Variants in KATNAL1 observed in about 807,000 individuals in gnomAD.
KATNAL1 encodes the protein katanin catalytic subunit A1 like 1.
KATNAL1 carries 32 observed loss-of-function variants against 55.2 expected under a neutral mutation model. That is an observed-to-expected ratio of 0.58 (90% CI 0.44 to 0.78). KATNAL1 has a LOEUF of 0.78. Ranked by LOEUF, KATNAL1 falls within the 30% of genes least tolerant of loss-of-function variation. The pLI, the probability that KATNAL1 is intolerant of heterozygous loss-of-function variation, is 0.00. For missense variants in KATNAL1, 466 were observed against 600.9 expected (o/e 0.78, Z 2.35); for synonymous variants, 193 against 193.6 (o/e 1.00, Z 0.02).
chr13:30,296,517 T>C, intron 1 of KATNAL1: 1 of 734,618 alleles, frequency 1.4e-6, no homozygotes, highest in African/African-American at 1.7e-5. Context: ...CATTGCCTAC[T>C]GGGGCCTCTT....
At chr13:30,230,642 A>C in intron 7 of KATNAL1, 48 bp from the exon 8 acceptor site, 1 of 1,395,102 alleles carries the variant, frequency 7.2e-7, no homozygotes, top group Non-Finnish European at 9.7e-7. Context: ...TCATAAAACA[A>C]TTGGAGTATT....
chr13:30,223,037 G>GT (rs1361284403), intron 9 of KATNAL1, among the ~76,000 whole-genome samples: 1 of 152,012 alleles, frequency 6.6e-6, no homozygotes, highest in East Asian at 1.9e-4. Context: ...AGAGGTTGCA[G>GT]TAAGCCCAGA....
chr13:30,278,242 G>A (rs1369625650), intron 3 of KATNAL1, among the ~76,000 whole-genome samples: 11 of 150,826 alleles, frequency 7.3e-5, no homozygotes, highest in Admixed American at 2.0e-4. Context: ...TACAATCTGA[G>A]ATTTGCTTTT....
intron 1 of KATNAL1, among the ~76,000 whole-genome samples, chr13:30,303,722 C>T (rs1172051882): frequency 6.6e-6 from 1 of 152,182 alleles, no homozygotes; most frequent in Non-Finnish European, 1.5e-5. Context: ...CTCATATTAT[C>T]TAGTGGAACT....
In KATNAL1 at chr13:30,231,462, A is replaced by G; in HGVS notation, c.737T>C (p.Met246Thr). The part of the protein sequence containing the change: ...GIRRPWKGVL[M>T]VGPPGTGKTM... ...TTTACCAGTGCCTGGGGGTCCAACC[A>G]TCAGTACACCCTGAAATTTCAAAAG... The change falls in exon 7 of 11, where the codon ATG becomes ACG. Residue 246 changes from methionine (M) to threonine (T), a missense_variant. Physicochemically the swap from Met to Thr is moderately conservative, Grantham distance 81. Around this residue, in one of 3 missense-constraint regions of KATNAL1, gnomAD observed 213 missense variants for 308.6 expected, o/e 0.69. Coordinates refer to ENST00000380615, the MANE Select transcript of KATNAL1 (RefSeq NM_032116.5). The G allele has an allele frequency of 6.5e-7, 1 of 1,543,602 alleles. No homozygotes were observed. Among genetic ancestry groups the G allele is most frequent in the Admixed American group, 2.0e-5 (1 of 50,468 alleles).
intron 7 of KATNAL1, 28 bp from the exon 8 acceptor site, chr13:30,230,622 T>C (rs772384893): frequency 2.0e-6 from 3 of 1,527,334 alleles, no homozygotes; most frequent in Admixed American, 1.9e-5. Flanking sequence ...AAAGAAATCA[T>C]TCAATAATCT....
At chr13:30,292,798 T>C (rs570485857) in intron 1 of KATNAL1, among the ~76,000 whole-genome samples, 1 of 152,368 alleles carries the variant, frequency 6.6e-6, no homozygotes, top group East Asian at 1.9e-4. Flanking sequence ...ACCTTTATTC[T>C]ACCCTCATAC....
At chr13:30,295,869 A>C (rs1419468423) in intron 1 of KATNAL1, among the ~76,000 whole-genome samples, 1 of 152,166 alleles carries the variant, frequency 6.6e-6, no homozygotes, top group Non-Finnish European at 1.5e-5. Context: ...TTTTCACAAA[A>C]GGAAGAGTCA....
chr13:30,221,456 T>C (rs891765007), intron 9 of KATNAL1, among the ~76,000 whole-genome samples: 1 of 152,168 alleles, frequency 6.6e-6, no homozygotes, highest in Non-Finnish European at 1.5e-5. Context: ...AGTAAAATTA[T>C]TGGATATGTG....
chr13:30,222,834 C>T (rs979403888), intron 9 of KATNAL1, among the ~76,000 whole-genome samples: 8 of 152,152 alleles, frequency 5.3e-5, no homozygotes, highest in African/African-American at 1.7e-4. Context: ...GGCTCATGCC[C>T]GTAATCTCAG....
At chr13:30,292,922 G>A (rs1296552813) in intron 1 of KATNAL1, among the ~76,000 whole-genome samples, 3 of 152,144 alleles carry the variant, frequency 2.0e-5, no homozygotes, top group Non-Finnish European at 4.4e-5. Flanking sequence ...TAAGAAGACT[G>A]AAGTCATTTA....
intron 4 of KATNAL1, among the ~76,000 whole-genome samples, chr13:30,254,388 C>T (rs624552): frequency 0.84 from 128,322 of 152,144 alleles, 54,703 homozygotes; most frequent in East Asian, 0.96. Context: ...CTCCCACAAA[C>T]TACAAACATT....
At chr13:30,228,094 T>C (rs1383075206) in intron 8 of KATNAL1, among the ~76,000 whole-genome samples, 1 of 152,152 alleles carries the variant, frequency 6.6e-6, no homozygotes, top group South Asian at 2.1e-4. Flanking sequence ...CATTTAAGAA[T>C]GAACCCAGTA....
intron 1 of KATNAL1, chr13:30,296,469 C>A: frequency 1.6e-6 from 1 of 634,004 alleles, no homozygotes; most frequent in Non-Finnish European, 2.9e-6. Context: ...GCTAATGTGG[C>A]AATCTGAGGA....
intron 1 of KATNAL1, among the ~76,000 whole-genome samples, chr13:30,302,600 T>A (rs1882926149): frequency 6.6e-6 from 1 of 152,190 alleles, no homozygotes; most frequent in African/African-American, 2.4e-5. Flanking sequence ...GAACAACTTA[T>A]TGAAATACAG....
chr13:30,217,223 C>A (rs972163415), intron 9 of KATNAL1, among the ~76,000 whole-genome samples: 1 of 152,092 alleles, frequency 6.6e-6, no homozygotes, highest in African/African-American at 2.4e-5. Flanking sequence ...GAGGCCGAGG[C>A]GGGAGGATCA....
chr13:30,238,957 C>T (rs573013147), intron 6 of KATNAL1, among the ~76,000 whole-genome samples: 1 of 152,156 alleles, frequency 6.6e-6, no homozygotes, highest in South Asian at 2.1e-4. Flanking sequence ...GTTGTCACAA[C>T]CTATTTGGAC....
chr13:30,226,141 A>T (rs866114209), intron 9 of KATNAL1, among the ~76,000 whole-genome samples: 7 of 152,214 alleles, frequency 4.6e-5, no homozygotes, highest in Middle Eastern at 3.2e-3. Context: ...GTTGGCAAGG[A>T]TATGGAAGTA....
At chr13:30,233,432 T>TA (rs1876310895) in intron 6 of KATNAL1, among the ~76,000 whole-genome samples, 3 of 152,070 alleles carry the variant, frequency 2.0e-5, no homozygotes, top group Non-Finnish European at 4.4e-5. Context: ...TTAAAATGGC[T>TA]TTCATCAAAA....
Sources: gnomAD v4.1 joint callset for allele counts (sites outside exome capture counted in the v4.1 genomes callset) on GRCh38, gnomAD v4.1.1 for gene constraint, gnomAD v4.1.1 regional missense constraint, MANE v1.5 for transcripts, NCBI Gene and HGNC (gene_info 2026-07-23, HGNC 2026-07-21) for gene names.